The following ZFP14 variants were observed in gnomAD, a reference collection of about 807,000 sequenced individuals.
ZFP14 encodes the protein ZFP14 zinc finger protein.
A neutral mutation model predicts 54.5 loss-of-function variants in ZFP14; 22 were observed. The ratio of observed to expected loss-of-function variants is 0.40; its 90% CI spans 0.29 to 0.58. The LOEUF (loss-of-function observed/expected upper bound fraction) is 0.58, where lower values mean the gene tolerates loss of function less well. Ranked by LOEUF, ZFP14 falls within the 20% of genes least tolerant of loss-of-function variation. The pLI, the probability that ZFP14 is intolerant of heterozygous loss-of-function variation, is 0.39. For missense variants in ZFP14, 470 were observed against 637.8 expected (o/e 0.74, Z 2.83); for synonymous variants, 159 against 204.0 (o/e 0.78, Z 1.88).
In ZFP14 at chr19:36,352,863, C is replaced by G. The variant is rs1276024236; in HGVS notation, c.235+7572G>C. ...GGCTGAGGCAGAAGAATGGCGTGAA[C>G]CCGGGAGGCGGAGCTTGCAGTGAGC... On this transcript the variant is annotated intron_variant, in intron 4 of 4. Coordinates refer to ENST00000270001, the MANE Select transcript of ZFP14 (RefSeq NM_020917.3). Among the ~76,000 whole-genome samples the G allele has an allele frequency of 1.4e-5, 2 of 140,360 alleles. 1 individual carries two copies. The highest frequency in any genetic ancestry group is 3.1e-5 in the Non-Finnish European group (2 of 63,558). The allele number at this position is 140,360 out of a possible 152,430, so 92.1% of individuals were successfully genotyped here. A position where few individuals can be genotyped will look rare whatever the true frequency, so the allele number is the denominator to read the frequency against.
At chr19:36,359,266 G>C (rs1466348693) in intron 4 of ZFP14, among the ~76,000 whole-genome samples, 2 of 151,972 alleles carry the variant, frequency 1.3e-5, no homozygotes, top group Non-Finnish European at 2.9e-5. Flanking sequence ...TATTTGATTT[G>C]TTAATATTTT....
chr19:36,345,758 G>A (rs2031402401), intron 4 of ZFP14, among the ~76,000 whole-genome samples: 1 of 151,980 alleles, frequency 6.6e-6, no homozygotes, highest in Non-Finnish European at 1.5e-5. Flanking sequence ...CCTAAATATA[G>A]AACAGTAATA....
chr19:36,346,071 T>C (rs945207888), intron 4 of ZFP14, among the ~76,000 whole-genome samples: 33 of 152,056 alleles, frequency 2.2e-4, no homozygotes, highest in Non-Finnish European at 1.3e-4. Context: ...GGCTGGAGGA[T>C]TGCTTGAGCC....
intron 1 of ZFP14, among the ~76,000 whole-genome samples, chr19:36,376,441 G>C (rs1024635614): frequency 2.8e-4 from 42 of 152,000 alleles, no homozygotes; most frequent in African/African-American, 9.9e-4. Flanking sequence ...AGCTACTTGG[G>C]AGGCTGAGGT....
rs1261462871 is a variant in ZFP14, at chr19:36,338,653, T to G, written c.*1571A>C. 1 of 152,116 alleles carries G rather than the reference T, an allele frequency of 6.6e-6. No homozygotes were observed. Among genetic ancestry groups the G allele is most frequent in the Non-Finnish European group, 1.5e-5 (1 of 68,028 alleles). 9.4% of individuals were successfully genotyped at this position (152,116 alleles called of 1,614,324 possible). On this transcript the variant is annotated 3_prime_UTR_variant, in exon 5 of 5. Coordinates refer to ENST00000270001, the MANE Select transcript of ZFP14 (RefSeq NM_020917.3). The stretch of plus-strand genomic sequence containing the variant: ...ACCCTGTCTCAAAAAAATTATACAT[T>G]GGTGCTCTAGCATCTTTCATAGGTT...
intron 4 of ZFP14, among the ~76,000 whole-genome samples, chr19:36,344,547 A>G (rs961828170): frequency 2.0e-5 from 3 of 151,898 alleles, no homozygotes; most frequent in Admixed American, 6.6e-5. Flanking sequence ...ATCTGCCTCT[A>G]ATCTTTATAC....
intron 1 of ZFP14, among the ~76,000 whole-genome samples, chr19:36,371,652 G>A (rs915161652): frequency 3.9e-5 from 6 of 152,026 alleles, no homozygotes; most frequent in African/African-American, 4.8e-5. Context: ...AGATAAACAA[G>A]TAGAAAGCTT....
chr19:36,359,865 GA>G, intron 4 of ZFP14, among the ~76,000 whole-genome samples: 1 of 152,174 alleles, frequency 6.6e-6, no homozygotes, highest in African/African-American at 2.4e-5. Context: ...GCGTTGGCCA[GA>G]CTGGTTTGGA....
At chr19:36,371,634 GAA>G (rs2031877847) in intron 1 of ZFP14, among the ~76,000 whole-genome samples, 1 of 152,040 alleles carries the variant, frequency 6.6e-6, no homozygotes, top group African/African-American at 2.4e-5. Context: ...TAAAAAGGGA[GAA>G]GAGAAAGATA....
intron 4 of ZFP14, among the ~76,000 whole-genome samples, chr19:36,347,622 A>AAAAG (rs60367597): frequency 0.89 from 134,777 of 151,342 alleles, 60,415 homozygotes; most frequent in African/African-American, 0.96. Flanking sequence ...AAAAACAAAG[A>AAAAG]AAAGAAAGAA....
rs944025625 is a variant in ZFP14 at position 36,351,506 on chromosome 19, G to GA, written c.235+8928dup. ...AGAGCAAGACTGCATATCACAAAAA[G>GA]AAAAAAAAAGGCATATGACAACAAA... On this transcript the variant is annotated intron_variant, in intron 4 of 4. Transcript: ENST00000270001. 9.7e-5 allele frequency among the ~76,000 whole-genome samples: 13 copies of GA among 133,648 alleles called. 3 individuals carry two copies. Among genetic ancestry groups the GA allele is most frequent in the Non-Finnish European group, 2.0e-4 (12 of 60,920 alleles). 87.7% of individuals were successfully genotyped at this position (133,648 alleles called of 152,430 possible). A position where few individuals can be genotyped will look rare whatever the true frequency, so the allele number is the denominator to read the frequency against.
At chr19:36,373,426 G>A (rs2031910769) in intron 1 of ZFP14, among the ~76,000 whole-genome samples, 2 of 151,912 alleles carry the variant, frequency 1.3e-5, no homozygotes, top group Admixed American at 6.6e-5. Flanking sequence ...TTGGTCAAAC[G>A]ATACAAAATT....
chr19:36,356,299 A>T (rs1260893014), intron 4 of ZFP14, among the ~76,000 whole-genome samples: 1 of 151,890 alleles, frequency 6.6e-6, no homozygotes, highest in African/African-American at 2.4e-5. Flanking sequence ...GTGGTGGCGC[A>T]TGCCTATAAT....
At chr19:36,347,703 A>G (rs2031443854) in intron 4 of ZFP14, among the ~76,000 whole-genome samples, 1 of 152,212 alleles carries the variant, frequency 6.6e-6, no homozygotes, top group Admixed American at 6.5e-5. Flanking sequence ...AAAGCACTCA[A>G]TTATATTTAA....
intron 4 of ZFP14, among the ~76,000 whole-genome samples, chr19:36,356,775 C>T (rs1485742371): frequency 6.6e-6 from 1 of 152,048 alleles, no homozygotes; most frequent in Non-Finnish European, 1.5e-5. Context: ...GCATAATTTC[C>T]TTGAAATTCA....
At chr19:36,355,418 C>G (rs550151878) in intron 4 of ZFP14, among the ~76,000 whole-genome samples, 12 of 142,880 alleles carry the variant, frequency 8.4e-5, no homozygotes, top group African/African-American at 2.8e-4. Context: ...TGGCTCGCGC[C>G]TGTAATCCCA....
Position 36,350,175 on chromosome 19 carries a change from G to A in ZFP14, c.236-8585C>T, listed in dbSNP as rs1344195356. On this transcript the variant is annotated intron_variant, in intron 4 of 4. Coordinates refer to ENST00000270001, the MANE Select transcript of ZFP14 (RefSeq NM_020917.3). ...CAGAAAAGAACATAAAAGATACATGGGACAATGTTAAAGTGTCTAACATAT... is the reference window on the plus strand; with the variant it reads ...CAGAAAAGAACATAAAAGATACATGAGACAATGTTAAAGTGTCTAACATAT... Among the ~76,000 whole-genome samples the A allele has an allele frequency of 9.9e-5, 14 of 140,884 alleles. 1 individual carries two copies. Among genetic ancestry groups the A allele is most frequent in the African/African-American group, 3.6e-4 (14 of 38,526 alleles). 92.4% of individuals were successfully genotyped at this position (140,884 alleles called of 152,430 possible). A position where few individuals can be genotyped will look rare whatever the true frequency, so the allele number is the denominator to read the frequency against.
Position 36,341,037 on chromosome 19 carries a change from C to G in ZFP14, c.789G>C (p.Lys263Asn), listed in dbSNP as rs751125121. ...CCAGTTGCTGATGTACTCTAAAGGC[C>G]TTTCCACATTCCTTACATTCATAGG... Reference protein sequence around the residue: ...EKPYECKECGKAFRVHQQLAR... With the variant: ...EKPYECKECGNAFRVHQQLAR... Residue 263 changes from lysine (K) to asparagine (N), a missense_variant, in exon 5 of 5, where the codon AAG becomes AAC. Physicochemically the swap from Lys to Asn is moderately conservative, Grantham distance 94. Transcript: ENST00000270001. The surrounding 1 kb of genome is among the most constrained non-coding windows in gnomAD (Gnocchi z 4.2). 6.2e-7 allele frequency: 1 copy of G among 1,614,074 alleles called. No individual in the cohort carries two copies. The highest frequency in any genetic ancestry group is 1.1e-5 in the South Asian group (1 of 91,074).
At position 36,368,718 on chromosome 19, in the gene ZFP14, G is replaced by A. The variant is rs137858827; in HGVS notation, c.-79-747C>T. On this transcript the variant is annotated intron_variant, in intron 1 of 4. Transcript: ENST00000270001. The stretch of plus-strand genomic sequence containing the variant: ...AACACAGCAACTAAAAGACCACACA[G>A]ATTGAACCTGGCAGCTTCTGCCAAT... 1.1e-3 allele frequency among the ~76,000 whole-genome samples: 162 copies of A among 152,280 alleles called. 1 individual carries two copies. The East Asian group carries it at 0.021, about 20-fold the overall frequency.
Sources: allele counts gnomAD v4.1 joint callset (sites outside exome capture counted in the v4.1 genomes callset), GRCh38; gene constraint gnomAD v4.1.1; non-coding constraint Gnocchi (gnomAD v3.1); transcripts MANE v1.5; gene names NCBI Gene and HGNC (gene_info 2026-07-23, HGNC 2026-07-21).